Variants in LINGO2 observed in about 807,000 individuals in gnomAD.
The protein encoded by LINGO2 is leucine-rich repeat and immunoglobulin-like domain-containing nogo receptor-interacting protein 2.
A neutral mutation model predicts 30.6 loss-of-function variants in LINGO2; 14 were observed. That is an observed-to-expected ratio of 0.46 (90% CI 0.30 to 0.72). The LOEUF is 0.72. Among genes scored for constraint, LINGO2 ranks in the 30% least tolerant of loss-of-function variants. The probability of loss-of-function intolerance (pLI) is 0.07; values close to 1 mark genes in which losing one functional copy is unlikely to be tolerated. For synonymous variants in LINGO2, 317 were observed against 288.5 expected, an observed-to-expected ratio of 1.10 and a Z score of -1.00; for missense variants, 729 against 751.7, an observed-to-expected ratio of 0.97 and a Z score of 0.35.
chr9:29,082,577 A>G, the LINGO2 span, among the ~76,000 whole-genome samples: 29,947 of 152,004 alleles, frequency 0.2, 3,083 homozygotes, highest in African/African-American at 0.24. Flanking sequence ...CAAAATTGAA[A>G]AATGGGATCT....
upstream of LINGO2, among the ~76,000 whole-genome samples, chr9:28,670,630 T>TA (rs1828973756): frequency 6.6e-6 from 1 of 152,202 alleles, no homozygotes; most frequent in South Asian, 2.1e-4. Context: ...ATCATTTTTC[T>TA]AGTCATGATG....
At chr9:29,128,737 C>T in the LINGO2 span, among the ~76,000 whole-genome samples, 1 of 152,068 alleles carries the variant, frequency 6.6e-6, no homozygotes, top group African/African-American at 2.4e-5. Context: ...GTTTGTCTTG[C>T]TATCTCATGG....
the LINGO2 span, among the ~76,000 whole-genome samples, chr9:28,904,516 T>C: frequency 3.3e-5 from 5 of 151,912 alleles, no homozygotes; most frequent in Non-Finnish European, 5.9e-5. Context: ...GGTTGCAGAA[T>C]ACAAAAGCAA....
the LINGO2 span, among the ~76,000 whole-genome samples, chr9:29,139,414 G>C: frequency 6.6e-6 from 1 of 152,044 alleles, no homozygotes; most frequent in Non-Finnish European, 1.5e-5. Context: ...AATAATACAA[G>C]ATATAAATAT....
chr9:28,418,063 T>C (rs1446153560), intron 2 of LINGO2, among the ~76,000 whole-genome samples: 1 of 152,266 alleles, frequency 6.6e-6, no homozygotes, highest in East Asian at 1.9e-4. Flanking sequence ...GTTCCATTTT[T>C]TCCCCCAGTG....
chr9:29,153,549 A>G, the LINGO2 span, among the ~76,000 whole-genome samples: 1 of 152,206 alleles, frequency 6.6e-6, no homozygotes, highest in African/African-American at 2.4e-5. Flanking sequence ...TGCAAATGAC[A>G]GTAACTTTAG....
At chr9:28,581,549 T>C (rs1473798912) in intron 1 of LINGO2, among the ~76,000 whole-genome samples, 1 of 151,418 alleles carries the variant, frequency 6.6e-6, no homozygotes, top group African/African-American at 2.4e-5. Context: ...GAAAGCAACA[T>C]ACAGATAAGT....
At chr9:29,074,735 G>A in the LINGO2 span, among the ~76,000 whole-genome samples, 1 of 144,198 alleles carries the variant, frequency 6.9e-6, no homozygotes, top group African/African-American at 2.6e-5. Flanking sequence ...GCCCAGGCTG[G>A]AGGGCAGTGG....
At chr9:28,226,679 G>C (rs1229580309) in intron 4 of LINGO2, among the ~76,000 whole-genome samples, 1 of 94,862 alleles carries the variant, frequency 1.1e-5, no homozygotes, top group Non-Finnish European at 2.0e-5. Flanking sequence ...AAGAAAGAAA[G>C]AAAGAAAGAA....
chr9:28,124,003 T>C (rs189133728), intron 4 of LINGO2, among the ~76,000 whole-genome samples: 1 of 152,316 alleles, frequency 6.6e-6, no homozygotes, highest in Admixed American at 6.5e-5. Flanking sequence ...AATAATGTTA[T>C]ATAATATCCT....
chr9:28,804,536 A>G, the LINGO2 span, among the ~76,000 whole-genome samples: 1 of 101,204 alleles, frequency 9.9e-6, no homozygotes, highest in Non-Finnish European at 2.2e-5. Flanking sequence ...GTTCACGGCA[A>G]AAACAAAAAC....
chr9:28,331,062 T>C (rs1227464998), intron 3 of LINGO2, among the ~76,000 whole-genome samples: 2 of 152,090 alleles, frequency 1.3e-5, no homozygotes, highest in East Asian at 3.9e-4. Flanking sequence ...TCAAAATATT[T>C]ATTATTTATT....
chr9:28,547,986 C>T (rs949444561), intron 1 of LINGO2, among the ~76,000 whole-genome samples: 1 of 152,042 alleles, frequency 6.6e-6, no homozygotes, highest in Admixed American at 6.5e-5. Flanking sequence ...CTACCTTATG[C>T]CCAAAAGAAA....
chr9:28,447,923 T>C (rs1179030088), intron 2 of LINGO2, among the ~76,000 whole-genome samples: 1 of 152,148 alleles, frequency 6.6e-6, no homozygotes, highest in African/African-American at 2.4e-5. Context: ...GTGGATAAGA[T>C]GGAGGATTAT....
At chr9:28,757,659 C>T in the LINGO2 span, among the ~76,000 whole-genome samples, 10 of 151,944 alleles carry the variant, frequency 6.6e-5, no homozygotes, top group Non-Finnish European at 1.3e-4. Flanking sequence ...TTTTGTGCTG[C>T]CATCCAGATA....
chr9:28,002,183 G>A (rs1187062028), intron 5 of LINGO2, among the ~76,000 whole-genome samples: 1 of 152,148 alleles, frequency 6.6e-6, no homozygotes, highest in Non-Finnish European at 1.5e-5. Flanking sequence ...AGTGTAGGCA[G>A]ATTTATACAC....
chr9:28,803,495 AAT>A, the LINGO2 span, among the ~76,000 whole-genome samples: 1 of 151,908 alleles, frequency 6.6e-6, no homozygotes, highest in Middle Eastern at 3.4e-3. Context: ...AATAATTTTA[AAT>A]ATGATATAAA....
chr9:28,141,338 T>A (rs1034286030), intron 4 of LINGO2, among the ~76,000 whole-genome samples: 1 of 152,198 alleles, frequency 6.6e-6, no homozygotes, highest in African/African-American at 2.4e-5. Context: ...AAATGTGGTG[T>A]GGGAACGTTG....
chr9:28,037,838 G>A (rs1474786496), intron 4 of LINGO2, among the ~76,000 whole-genome samples: 2 of 152,208 alleles, frequency 1.3e-5, no homozygotes, highest in Non-Finnish European at 2.9e-5. Flanking sequence ...ACACCTATTT[G>A]GAGGCAGATA....
Sources: gnomAD v4.1 joint callset for allele counts (sites outside exome capture counted in the v4.1 genomes callset) on GRCh38, gnomAD v4.1.1 for gene constraint, MANE v1.5 for transcripts, NCBI Gene and HGNC (gene_info 2026-07-23, HGNC 2026-07-21) for gene names.